The following HPSE2 variants were observed in gnomAD, a reference collection of about 807,000 sequenced individuals.
HPSE2 encodes heparanase 2 (inactive), also known as inactive heparanase-2.
Under a neutral mutation model 60.5 loss-of-function variants are expected in HPSE2, and 38 were observed. That is an observed-to-expected ratio of 0.63 (90% CI 0.48 to 0.82). The LOEUF is 0.82. Ranked by LOEUF, HPSE2 falls within the 40% of genes least tolerant of loss-of-function variation. The pLI is 0.00. For missense variants in HPSE2, 713 were observed against 740.4 expected (o/e 0.96, Z 0.43); for synonymous variants, 295 against 293.2 (o/e 1.01, Z -0.06).
chr10:98,993,967 T>C (rs1281091968), intron 3 of HPSE2, among the ~76,000 whole-genome samples: 4 of 152,330 alleles, frequency 2.6e-5, no homozygotes, highest in East Asian at 3.9e-4. Context: ...AATGATGACA[T>C]CCAGAACAGT....
chr10:99,232,248 CACACACACGA>C, intron 2 of HPSE2, 90 bp downstream of exon 2: 5 of 1,375,356 alleles, frequency 3.6e-6, no homozygotes, highest in Non-Finnish European at 4.0e-6. Context: ...CACACACACA[CACACACACGA>C]ACACACAGAC....
intron 3 of HPSE2, among the ~76,000 whole-genome samples, chr10:99,019,392 T>G (rs530363445): frequency 4.6e-5 from 7 of 152,310 alleles, no homozygotes; most frequent in African/African-American, 1.7e-4. Flanking sequence ...CCTGCAGAAT[T>G]CTTTAGTTTC....
At chr10:99,061,543 T>C (rs766911035) in intron 3 of HPSE2, among the ~76,000 whole-genome samples, 2 of 152,248 alleles carry the variant, frequency 1.3e-5, no homozygotes, top group African/African-American at 2.4e-5. Flanking sequence ...TTTATGGCTT[T>C]AAGTAACATT....
chr10:99,155,028 G>T (rs1371683064), intron 2 of HPSE2, among the ~76,000 whole-genome samples: 1 of 149,754 alleles, frequency 6.7e-6, no homozygotes, highest in Non-Finnish European at 1.5e-5. Context: ...AATGGTAAAG[G>T]GATCAATTCA....
chr10:98,918,408 A>G, intron 3 of HPSE2, among the ~76,000 whole-genome samples: 1 of 151,610 alleles, frequency 6.6e-6, no homozygotes, highest in African/African-American at 2.4e-5. Flanking sequence ...TATTCACAAT[A>G]GCAAAGACTT....
At chr10:98,583,881 C>T (rs1387761825) in intron 9 of HPSE2, among the ~76,000 whole-genome samples, 2 of 152,202 alleles carry the variant, frequency 1.3e-5, no homozygotes, top group Non-Finnish European at 2.9e-5. Context: ...GGACATACCA[C>T]ATTTCATTTA....
At chr10:99,261,706 C>G in the HPSE2 span, among the ~76,000 whole-genome samples, 1 of 152,146 alleles carries the variant, frequency 6.6e-6, no homozygotes, top group Non-Finnish European at 1.5e-5. Context: ...CTTAATTAAC[C>G]TCACCTTCAA....
In HPSE2 at chr10:99,126,892, C is replaced by A. The variant is rs1202240595; in HGVS notation, c.610+17346G>T. On this transcript the variant is annotated intron_variant, in intron 3 of 11. Transcript: ENST00000370552. The surrounding 1 kb of genome is among the most constrained non-coding windows in gnomAD (Gnocchi z 4.0). ...CACTTGATAGCGAGACCCAGAAGGG[C>A]AATAATGATCATTGCAGTCTGGCTC... is the stretch of plus-strand genomic sequence containing the variant. 2.6e-5 allele frequency among the ~76,000 whole-genome samples: 4 copies of A among 152,088 alleles called. No homozygotes were observed. Among genetic ancestry groups the A allele is most frequent in the African/African-American group, 9.7e-5 (4 of 41,414 alleles).
chr10:99,032,123 G>C (rs1265167544), intron 3 of HPSE2, among the ~76,000 whole-genome samples: 2 of 152,100 alleles, frequency 1.3e-5, no homozygotes, highest in Non-Finnish European at 2.9e-5. Context: ...ACATTGAAAG[G>C]CGTTTTTTAC....
chr10:98,666,856 C>T (rs1412027446), intron 6 of HPSE2, among the ~76,000 whole-genome samples: 2 of 151,934 alleles, frequency 1.3e-5, no homozygotes, highest in Non-Finnish European at 2.9e-5. Flanking sequence ...AATAAGCTAA[C>T]ATTGCACCTA....
upstream of HPSE2, among the ~76,000 whole-genome samples, chr10:99,239,576 C>A (rs1849912474): frequency 6.6e-6 from 1 of 151,732 alleles, no homozygotes; most frequent in African/African-American, 2.4e-5. Context: ...ACTACAGGCG[C>A]ACATCGCCAC....
chr10:98,462,189 A>AT (rs1034323469), intron 11 of HPSE2, among the ~76,000 whole-genome samples: 3 of 151,866 alleles, frequency 2.0e-5, no homozygotes, highest in African/African-American at 7.3e-5. Flanking sequence ...TTATTTATTT[A>AT]TTTTTTTGAG....
At chr10:98,722,653 C>T (rs986587673) in intron 4 of HPSE2, among the ~76,000 whole-genome samples, 6 of 152,080 alleles carry the variant, frequency 3.9e-5, no homozygotes, top group Admixed American at 2.0e-4. Context: ...TGAGCAAAGC[C>T]TCCTCTTTCA....
intron 3 of HPSE2, among the ~76,000 whole-genome samples, chr10:99,003,628 T>C (rs1258039770): frequency 6.6e-6 from 1 of 152,136 alleles, no homozygotes; most frequent in East Asian, 1.9e-4. Flanking sequence ...TTTTTATAGC[T>C]TCTTTTGAGA....
At chr10:98,684,678 C>T (rs1373640909) in intron 6 of HPSE2, among the ~76,000 whole-genome samples, 1 of 152,002 alleles carries the variant, frequency 6.6e-6, no homozygotes, top group Non-Finnish European at 1.5e-5. Context: ...CAGACTGTTA[C>T]TTAGAAACAT....
At chr10:98,564,327 T>G (rs1268131513) in intron 9 of HPSE2, among the ~76,000 whole-genome samples, 1 of 152,230 alleles carries the variant, frequency 6.6e-6, no homozygotes, top group Non-Finnish European at 1.5e-5. Flanking sequence ...CTCATTTTCC[T>G]CATCTTTAAA....
At chr10:99,224,775 T>C (rs529406236) in intron 2 of HPSE2, among the ~76,000 whole-genome samples, 39 of 152,178 alleles carry the variant, frequency 2.6e-4, no homozygotes, top group South Asian at 1.7e-3. Context: ...AGTTGCATTG[T>C]ACAAAAAAAA....
chr10:99,286,611 G>C, the HPSE2 span, among the ~76,000 whole-genome samples: 1 of 151,988 alleles, frequency 6.6e-6, no homozygotes, highest in Non-Finnish European at 1.5e-5. Context: ...GGAAATAATG[G>C]TGATGACTGT....
intron 3 of HPSE2, among the ~76,000 whole-genome samples, chr10:98,936,997 A>AAC (rs1564670592): frequency 1.4e-5 from 2 of 140,650 alleles, no homozygotes; most frequent in African/African-American, 3.0e-5. Flanking sequence ...AAAAAAAAAA[A>AAC]AAAAAAAACA....
Sources: gnomAD v4.1 joint callset for allele counts (sites outside exome capture counted in the v4.1 genomes callset) on GRCh38, gnomAD v4.1.1 for gene constraint, Gnocchi (gnomAD v3.1) non-coding constraint, MANE v1.5 for transcripts, NCBI Gene and HGNC (gene_info 2026-07-23, HGNC 2026-07-21) for gene names.